The following PATL2 variants were observed in gnomAD, a reference collection of about 807,000 sequenced individuals.
PATL2 encodes the protein PAT1 homolog 2, also known as protein PAT1 homolog 2.
PATL2 carries 73 observed loss-of-function variants against 77.0 expected under a neutral mutation model. The observed-to-expected ratio is 0.95, with a 90% CI of 0.78 to 1.15. The LOEUF (loss-of-function observed/expected upper bound fraction) is 1.15. Ranked by LOEUF, PATL2 falls within the 50% of genes most tolerant of loss-of-function variation. The probability of loss-of-function intolerance (pLI) is 0.00; values close to 1 mark genes in which losing one functional copy is unlikely to be tolerated. For missense variants in PATL2, 618 were observed against 655.4 expected, an observed-to-expected ratio of 0.94 and a Z score of 0.62; for synonymous variants, 265 against 257.1, an observed-to-expected ratio of 1.03 and a Z score of -0.29.
Position 44,668,332 on chromosome 15 carries a change from G to GA in PATL2, c.1365+9dup, listed in dbSNP as rs1285823302. 3 of 1,549,270 alleles carry GA rather than the reference G, an allele frequency of 1.9e-6. No individual in the cohort carries two copies. Among genetic ancestry groups the GA allele is most frequent in the African/African-American group, 1.4e-5 (1 of 72,916 alleles). On this transcript the variant is annotated intron_variant, in intron 15 of 17. Coordinates refer to ENST00000682850, the MANE Select transcript of PATL2 (RefSeq NM_001387263.1). Reference sequence around the variant, plus strand: ...GCCATCTATGGAAAAAAGCCTCCTAGACATGTTACCTGATTCTGAAGCACC... The same window carrying GA: ...GCCATCTATGGAAAAAAGCCTCCTAGAACATGTTACCTGATTCTGAAGCACC...
intron 3 of PATL2, among the ~76,000 whole-genome samples, chr15:44,686,359 A>G (rs1362547572): frequency 3.3e-5 from 5 of 152,214 alleles, no homozygotes; most frequent in Non-Finnish European, 5.9e-5. Context: ...TTTGAAACCA[A>G]TGAGAACAAA....
intron 3 of PATL2, among the ~76,000 whole-genome samples, chr15:44,677,133 T>C (rs1383610888): frequency 2.6e-5 from 4 of 152,320 alleles, no homozygotes; most frequent in South Asian, 4.1e-4. Context: ...TGGGGGCAGA[T>C]AGTTAAAAAG....
intron 3 of PATL2, among the ~76,000 whole-genome samples, chr15:44,691,494 C>T (rs1726404400): frequency 6.6e-6 from 1 of 151,890 alleles, no homozygotes; most frequent in African/African-American, 2.4e-5. Context: ...CCCGTCTCTA[C>T]TAAAAATACA....
At chr15:44,702,940 A>G (rs2086659791) in intron 3 of PATL2, among the ~76,000 whole-genome samples, 1 of 152,060 alleles carries the variant, frequency 6.6e-6, no homozygotes, top group South Asian at 2.1e-4. Flanking sequence ...TGAGGAGAAG[A>G]ATGGGTATTC....
chr15:44,710,489 T>G (rs917840575), intron 2 of PATL2, among the ~76,000 whole-genome samples: 3 of 152,206 alleles, frequency 2.0e-5, no homozygotes, highest in African/African-American at 7.2e-5. Context: ...CCAAGGCAGA[T>G]GCAGTCCAAA....
rs1268757451 is a variant in PATL2, at chr15:44,666,456, G to A, written c.1549C>T (p.Leu517=). Residue 517 remains leucine, a synonymous_variant, in exon 17 of 18, where the codon CTA becomes TTA. Transcript: ENST00000682850. ...LAEPLAFPSN[L]LPLFCHHVDK... ...ACGTGGTGACAGAACAGGGGAAGTA[G>A]GTTGCTGGGGAAAGCTAGGGGTTCT... is the stretch of plus-strand genomic sequence containing the variant. 1.3e-6 allele frequency: 2 copies of A among 1,551,716 alleles called. No individual in the cohort carries two copies. Among genetic ancestry groups the A allele is most frequent in the South Asian group, 1.2e-5 (1 of 84,060 alleles).
rs760457430 is a variant in PATL2, at chr15:44,667,195, T to C, written c.1374A>G (p.Ile458Met). 1.3e-6 allele frequency: 2 copies of C among 1,551,414 alleles called. No homozygotes were observed. Among genetic ancestry groups the C allele is most frequent in the East Asian group, 2.4e-5 (1 of 40,924 alleles). ...GGCTCAGCAGGGCATAGAGCAAAGA[T>C]ATTCCAAACTGCAAGGGACATATAT... ...VTVVLQNQFG[I>M]SLLYALLSHG... is the part of the protein sequence containing the mutation. The change falls in exon 16 of 18, where the codon ATA becomes ATG. Residue 458 changes from isoleucine (I) to methionine (M), a missense_variant. Physicochemically the swap from Ile to Met is conservative, Grantham distance 10. Transcript: ENST00000682850.
chr15:44,708,510 C>A (rs1279169355), intron 3 of PATL2, among the ~76,000 whole-genome samples: 1 of 152,174 alleles, frequency 6.6e-6, no homozygotes, highest in African/African-American at 2.4e-5. Context: ...TACTTTCTGT[C>A]ATATAGATTA....
chr15:44,676,691 G>A (rs1392086750), intron 3 of PATL2, 126 bp from the exon 4 acceptor site: 1 of 1,194,820 alleles, frequency 8.4e-7, no homozygotes, highest in African/African-American at 1.5e-5. Context: ...CTTGAGGAGA[G>A]AGACCCTGGG....
chr15:44,681,631 T>C (rs963195849), intron 3 of PATL2, among the ~76,000 whole-genome samples: 7 of 152,208 alleles, frequency 4.6e-5, no homozygotes, highest in African/African-American at 1.7e-4. Context: ...TTCAGTATGT[T>C]TGTTTTTCTG....
intron 3 of PATL2, among the ~76,000 whole-genome samples, chr15:44,698,906 A>G (rs115230046): frequency 0.051 from 7,809 of 152,190 alleles, 603 homozygotes; most frequent in African/African-American, 0.17. Flanking sequence ...ACCAGCATTC[A>G]TTATTGTCTG....
In PATL2 at chr15:44,675,582, G is replaced by GTCCTCCTCCTCTTCCTCC; in HGVS notation, c.108_125dup (p.Glu36_Glu41dup). 1.3e-6 allele frequency: 2 copies of GTCCTCCTCCTCTTCCTCC among 1,551,486 alleles called. No individual in the cohort carries two copies. The highest frequency in any genetic ancestry group is 1.7e-6 in the Non-Finnish European group (2 of 1,146,746). On this transcript the variant is annotated inframe_insertion, in exon 5 of 18. Transcript: ENST00000682850. ...CCAGATCTGGGTCCAGATCCTCCTC[G>GTCCTCCTCCTCTTCCTCC]TCCTCCTCCTCTTCCTCCTCCTCCC...
Position 44,666,098 on chromosome 15 carries a change from A to T in PATL2, c.1614-127T>A. 4.4e-6 allele frequency: 4 copies of T among 914,612 alleles called. No homozygotes were observed. In the South Asian group the frequency reaches 6.9e-5, roughly 16 times the overall value. The allele number at this position is 914,612 out of a possible 1,614,324, so 56.7% of individuals were successfully genotyped here. On this transcript the variant is annotated intron_variant, in intron 17 of 17. Transcript: ENST00000682850. ...AGAGATGACCATGTTATTCATGCTT[A>T]TATCCTAGAATAGTTGTCCCTCAAG...
At position 44,705,835 on chromosome 15, in the gene PATL2, T is replaced by C. The variant is rs561038056; in HGVS notation, c.-76+4261A>G. 6.4e-3 allele frequency among the ~76,000 whole-genome samples: 589 copies of C among 92,482 alleles called. 7 individuals are homozygous for C. The highest frequency in any genetic ancestry group is 0.031 in the African/African-American group (560 of 17,962). 60.7% of individuals were successfully genotyped at this position (92,482 alleles called of 152,430 possible). On this transcript the variant is annotated intron_variant, in intron 3 of 17. Transcript: ENST00000682850. ...TGTTTTTTTTTAGACAGAGTCTTGC[T>C]CAGTTGCCCAGGCTGGAGTACAGTG...
intron 3 of PATL2, among the ~76,000 whole-genome samples, chr15:44,702,133 T>G (rs1277109362): frequency 6.6e-6 from 1 of 152,156 alleles, no homozygotes; most frequent in Admixed American, 6.5e-5. Context: ...CATTTAGCAG[T>G]GAAGACATAG....
At chr15:44,682,170 AGTT>A (rs928870931) in intron 3 of PATL2, among the ~76,000 whole-genome samples, 1 of 152,214 alleles carries the variant, frequency 6.6e-6, no homozygotes, top group Non-Finnish European at 1.5e-5. Context: ...ACAAAGTAAG[AGTT>A]GTTTTAATTG....
chr15:44,668,629 A>G lies in PATL2; in HGVS notation c.1225-147T>C, dbSNP rs552315808. 2.2e-3 allele frequency: 2,247 copies of G among 1,037,280 alleles called. 6 individuals are homozygous for G. Among genetic ancestry groups the G allele is most frequent in the Middle Eastern group, 6.5e-3 (20 of 3,086 alleles). The allele number at this position is 1,037,280 out of a possible 1,614,324, so 64.3% of individuals were successfully genotyped here. On this transcript the variant is annotated intron_variant, in intron 14 of 17. Transcript: ENST00000682850. ...AGGCTTATCACCACTATGACTCTCCATCCCCAACACTGACACCTTCGGTAC... is the reference window on the plus strand; with the variant it reads ...AGGCTTATCACCACTATGACTCTCCGTCCCCAACACTGACACCTTCGGTAC...
chr15:44,667,205 T>C lies in PATL2; in HGVS notation c.1366-2A>G. The C allele has an allele frequency of 6.5e-7, 1 of 1,549,570 alleles. No homozygotes were observed. Among genetic ancestry groups the C allele is most frequent in the Non-Finnish European group, 8.7e-7 (1 of 1,145,206 alleles). ...GGCATAGAGCAAAGATATTCCAAAC[T>C]GCAAGGGACATATATATATTCCAGA... On this transcript the variant is annotated splice_acceptor_variant, in intron 15 of 17. Coordinates refer to ENST00000682850, the MANE Select transcript of PATL2 (RefSeq NM_001387263.1). LOFTEE classifies it high-confidence loss of function.
At chr15:44,674,425 G>A (rs1390662376) in intron 5 of PATL2, 195 bp from the exon 6 acceptor site, 1 of 579,048 alleles carries the variant, frequency 1.7e-6, no homozygotes, top group Non-Finnish European at 3.1e-6. Context: ...GGAGGAATAA[G>A]ACTAGTGCAG....
Sources: allele counts gnomAD v4.1 joint callset (sites outside exome capture counted in the v4.1 genomes callset), GRCh38; gene constraint gnomAD v4.1.1; transcripts MANE v1.5; gene names NCBI Gene and HGNC (gene_info 2026-07-23, HGNC 2026-07-21).